The following TNS3 variants were observed in gnomAD, a reference collection of about 807,000 sequenced individuals.
TNS3 encodes the protein tensin-3.
Under a neutral mutation model 140.9 loss-of-function variants are expected in TNS3, and 45 were observed. The observed-to-expected ratio is 0.32, with a 90% CI of 0.25 to 0.41. The LOEUF is 0.41. Among genes scored for constraint, TNS3 ranks in the 10% least tolerant of loss-of-function variants. The pLI is 1.00. For synonymous variants in TNS3, 815 were observed against 788.4 expected (o/e 1.03, Z -0.56); for missense variants, 1,716 against 1,906.7 (o/e 0.90, Z 1.86).
At chr7:47,567,905 G>A (rs1800466428) in intron 1 of TNS3, among the ~76,000 whole-genome samples, 1 of 152,172 alleles carries the variant, frequency 6.6e-6, no homozygotes, top group Non-Finnish European at 1.5e-5. Flanking sequence ...CAGTAATAAG[G>A]AACAAGCTGG....
intron 16 of TNS3, among the ~76,000 whole-genome samples, chr7:47,395,987 G>A (rs1164504639): frequency 3.9e-5 from 6 of 152,206 alleles, no homozygotes; most frequent in Admixed American, 6.5e-5. Flanking sequence ...GAAGCTCAGC[G>A]ATCCACAAAG....
chr7:47,569,851 C>A (rs933433230), intron 1 of TNS3, among the ~76,000 whole-genome samples: 9 of 145,908 alleles, frequency 6.2e-5, no homozygotes, highest in Middle Eastern at 4.2e-3. Flanking sequence ...AAGACTCTGT[C>A]TCAATAAAAA....
intron 20 of TNS3, among the ~76,000 whole-genome samples, chr7:47,308,551 G>T (rs1198849077): frequency 6.6e-6 from 1 of 152,106 alleles, no homozygotes; most frequent in Non-Finnish European, 1.5e-5. Context: ...TATGTTTTTG[G>T]ATGCTGGATA....
intron 20 of TNS3, among the ~76,000 whole-genome samples, chr7:47,307,361 A>G (rs1197073943): frequency 1.3e-5 from 2 of 152,188 alleles, no homozygotes; most frequent in East Asian, 1.9e-4. Context: ...GTACTTTTCC[A>G]TTGTATGGAC....
chr7:47,291,183 G>A (rs1785678201), intron 27 of TNS3, among the ~76,000 whole-genome samples: 1 of 152,106 alleles, frequency 6.6e-6, no homozygotes, highest in South Asian at 2.1e-4. Context: ...GTGGGGGAGG[G>A]AGAACGAACA....
chr7:47,433,766 G>A (rs1184890604), intron 8 of TNS3, among the ~76,000 whole-genome samples: 1 of 152,096 alleles, frequency 6.6e-6, no homozygotes, highest in Non-Finnish European at 1.5e-5. Context: ...ACGTGATCCT[G>A]GGCAATGATG....
intron 2 of TNS3, among the ~76,000 whole-genome samples, chr7:47,527,363 G>C (rs554087939): frequency 2.6e-5 from 4 of 152,308 alleles, no homozygotes; most frequent in African/African-American, 9.6e-5. Context: ...GCCCCTACTG[G>C]ACCCTGTAGG....
chr7:47,296,988 T>C lies in TNS3; in HGVS notation c.3676+94A>G, dbSNP rs1786061768. ...CTAAGAATAAAATTTGTGAGTATTG[T>C]TAAAGTCATCTTTTATTTTATTAGC... On this transcript the variant is annotated intron_variant, in intron 24 of 30. Transcript: ENST00000311160. 2.0e-6 allele frequency: 3 copies of C among 1,484,608 alleles called. No homozygotes were observed. The African/African-American group carries it at 4.3e-5, about 21-fold the overall frequency. The allele number at this position is 1,484,608 out of a possible 1,614,324, so 92.0% of individuals were successfully genotyped here. A position where few individuals can be genotyped will look rare whatever the true frequency, so the allele number is the denominator to read the frequency against.
At chr7:47,308,903 C>T (rs1342443155) in intron 20 of TNS3, among the ~76,000 whole-genome samples, 4 of 152,326 alleles carry the variant, frequency 2.6e-5, no homozygotes, top group African/African-American at 9.6e-5. Context: ...CAGTTGAATA[C>T]GTATGGCGGA....
chr7:47,380,131 T>G (rs1791660652), intron 16 of TNS3, among the ~76,000 whole-genome samples: 1 of 152,240 alleles, frequency 6.6e-6, no homozygotes, highest in Non-Finnish European at 1.5e-5. Flanking sequence ...AAAGGAGCAC[T>G]GTGCTCCGAG....
At chr7:47,523,862 A>G (rs1056126688) in intron 2 of TNS3, among the ~76,000 whole-genome samples, 1 of 152,168 alleles carries the variant, frequency 6.6e-6, no homozygotes, top group Non-Finnish European at 1.5e-5. Context: ...ATGGGGACAG[A>G]CCCTACTGAA....
intron 4 of TNS3, among the ~76,000 whole-genome samples, chr7:47,444,086 G>A (rs1245412509): frequency 7.2e-5 from 11 of 152,198 alleles, no homozygotes; most frequent in Admixed American, 5.9e-4. Flanking sequence ...CAGCTCAGAT[G>A]CAATCCTAAT....
chr7:47,282,526 T>G (rs1343064422), intron 28 of TNS3, among the ~76,000 whole-genome samples: 1 of 151,944 alleles, frequency 6.6e-6, no homozygotes, highest in Non-Finnish European at 1.5e-5. Flanking sequence ...GCCATGCCCC[T>G]GACCCTGAGA....
At chr7:47,457,390 A>G (rs1006979042) in intron 4 of TNS3, among the ~76,000 whole-genome samples, 3 of 151,998 alleles carry the variant, frequency 2.0e-5, no homozygotes, top group Non-Finnish European at 2.9e-5. Flanking sequence ...AATTGACCTG[A>G]TCAGTGCTCT....
At chr7:47,386,879 T>C (rs1042863821) in intron 16 of TNS3, among the ~76,000 whole-genome samples, 6 of 152,244 alleles carry the variant, frequency 3.9e-5, no homozygotes, top group Non-Finnish European at 8.8e-5. Context: ...TTACATAAAA[T>C]ATCCCTGCAA....
intron 1 of TNS3, among the ~76,000 whole-genome samples, chr7:47,542,286 T>C (rs1393431242): frequency 6.6e-6 from 1 of 152,158 alleles, no homozygotes; most frequent in Non-Finnish European, 1.5e-5. Context: ...GATTCAGAGA[T>C]GAGAATATGC....
chr7:47,424,796 CG>C (rs1415411241), intron 9 of TNS3, among the ~76,000 whole-genome samples: 1 of 152,136 alleles, frequency 6.6e-6, no homozygotes, highest in Admixed American at 6.5e-5. Context: ...TCTCAGGCCT[CG>C]GGGCTGCAGC....
intron 20 of TNS3, among the ~76,000 whole-genome samples, chr7:47,337,392 T>C (rs1788693025): frequency 6.6e-6 from 1 of 152,216 alleles, no homozygotes; most frequent in Non-Finnish European, 1.5e-5. Flanking sequence ...AGTTATGTTT[T>C]AGTAATGCGA....
rs150403038 is a variant in TNS3, at chr7:47,474,905, A to C, written c.-76+6198T>G. Reference sequence around the variant, plus strand: ...CAACACACACACCGCAACACACACAAAAAAAAACACCTCACACACACAGGT... The same window carrying C: ...CAACACACACACCGCAACACACACACAAAAAAACACCTCACACACACAGGT... On this transcript the variant is annotated intron_variant, in intron 4 of 30. Coordinates refer to ENST00000311160, the MANE Select transcript of TNS3 (RefSeq NM_022748.12). 6.8e-3 allele frequency among the ~76,000 whole-genome samples: 1,012 copies of C among 149,418 alleles called. 3 individuals carry two copies. Among genetic ancestry groups the C allele is most frequent in the African/African-American group, 0.017 (680 of 40,608 alleles).
Sources: allele counts gnomAD v4.1 joint callset (sites outside exome capture counted in the v4.1 genomes callset), GRCh38; gene constraint gnomAD v4.1.1; transcripts MANE v1.5; gene names NCBI Gene and HGNC (gene_info 2026-07-23, HGNC 2026-07-21).